Variants in DTNB observed in about 807,000 individuals in gnomAD.
DTNB encodes the protein dystrobrevin beta.
In DTNB, 63 loss-of-function variants were observed where a neutral mutation model predicts 90.7. That is an observed-to-expected ratio of 0.69 (90% CI 0.57 to 0.86). The LOEUF (loss-of-function observed/expected upper bound fraction) is 0.86. Among genes scored for constraint, DTNB ranks in the 40% least tolerant of loss-of-function variants. The pLI, the probability that DTNB is intolerant of heterozygous loss-of-function variation, is 0.00. For synonymous variants in DTNB, 277 were observed against 286.7 expected, an observed-to-expected ratio of 0.97 and a Z score of 0.34; for missense variants, 744 against 807.1, an observed-to-expected ratio of 0.92 and a Z score of 0.95.
At chr2:25,662,681 A>AAC (rs35136841) in intron 1 of DTNB, among the ~76,000 whole-genome samples, 14,746 of 104,242 alleles carry the variant, frequency 0.14, 1,263 homozygotes, top group East Asian at 0.5. Flanking sequence ...CACACACACA[A>AAC]ACACACACAC....
At chr2:25,398,200 C>G (rs1016001401) in intron 16 of DTNB, among the ~76,000 whole-genome samples, 1 of 152,244 alleles carries the variant, frequency 6.6e-6, no homozygotes, top group Non-Finnish European at 1.5e-5. Context: ...AGTGAAACCT[C>G]CTGCCCACCA....
In DTNB at chr2:25,482,791, CG is replaced by C. The variant is rs760188526; in HGVS notation, c.1079+4del. 4.3e-6 allele frequency: 7 copies of C among 1,613,456 alleles called. No homozygotes were observed. Among genetic ancestry groups the C allele is most frequent in the Non-Finnish European group, 5.9e-6 (7 of 1,179,726 alleles). Reference sequence around the variant, plus strand: ...ACCCAAGTCGAAGGCACAAGACATACGTACCTCTTGGTGGGAGTGGGCACTC... The same window carrying C: ...ACCCAAGTCGAAGGCACAAGACATACTACCTCTTGGTGGGAGTGGGCACTC... On this transcript the variant is annotated splice_donor_region_variant and intron_variant, in intron 10 of 20. Coordinates refer to ENST00000406818, the MANE Select transcript of DTNB (RefSeq NM_021907.5).
chr2:25,439,521 CTG>C lies in DTNB; in HGVS notation c.1258-5528_1258-5527del, dbSNP rs374292420. Reference sequence around the variant, plus strand: ...CGTCTCAAAATAATAATAGGGGAAACTGGGTGTAGATTATAGAGAACTCTCTG... The same window carrying C: ...CGTCTCAAAATAATAATAGGGGAAACGGTGTAGATTATAGAGAACTCTCTG... On this transcript the variant is annotated intron_variant, in intron 12 of 20. Transcript: ENST00000406818. Among the ~76,000 whole-genome samples, 390 of 152,108 alleles carry C rather than the reference CTG, an allele frequency of 2.6e-3. 4 individuals are homozygous for C. The highest frequency in any genetic ancestry group is 9.0e-3 in the African/African-American group (372 of 41,506).
rs59529600 is a variant in DTNB at position 25,560,005 on chromosome 2, T to C, written c.876+16833A>G. Among the ~76,000 whole-genome samples the C allele has an allele frequency of 9.7e-3, 1,483 of 152,318 alleles. 24 individuals carry two copies. The highest frequency in any genetic ancestry group is 0.034 in the African/African-American group (1,410 of 41,582). ...GGCTCACGCCTGTAATCCCAACACT[T>C]TGAGAGGCCAAGGCGGGTGGATCAC... On this transcript the variant is annotated intron_variant, in intron 8 of 20. Transcript: ENST00000406818.
chr2:25,553,478 T>C (rs2056731629), intron 8 of DTNB, among the ~76,000 whole-genome samples: 1 of 151,924 alleles, frequency 6.6e-6, no homozygotes, highest in Admixed American at 6.6e-5. Flanking sequence ...TGGCTCATGC[T>C]TGTAATCCTA....
chr2:25,613,198 T>C (rs2069127062), intron 4 of DTNB, among the ~76,000 whole-genome samples: 2 of 152,086 alleles, frequency 1.3e-5, no homozygotes, highest in African/African-American at 4.8e-5. Context: ...GTCCTCCTGC[T>C]CTAGCCTCCC....
intron 2 of DTNB, among the ~76,000 whole-genome samples, chr2:25,647,613 G>A (rs949741899): frequency 6.6e-6 from 1 of 152,078 alleles, no homozygotes; most frequent in South Asian, 2.1e-4. Context: ...GGTGGCCCAC[G>A]CTTGTAATCC....
At chr2:25,557,406 A>C (rs1011314011) in intron 8 of DTNB, among the ~76,000 whole-genome samples, 16 of 152,214 alleles carry the variant, frequency 1.1e-4, no homozygotes, top group African/African-American at 3.9e-4. Flanking sequence ...CACAGTTCCA[A>C]AGCTGTCACA....
chr2:25,614,368 A>C (rs1003983387), intron 4 of DTNB, among the ~76,000 whole-genome samples: 1 of 152,188 alleles, frequency 6.6e-6, no homozygotes, highest in Non-Finnish European at 1.5e-5. Flanking sequence ...AACACATTAG[A>C]AGTAAAGAAA....
intron 4 of DTNB, among the ~76,000 whole-genome samples, chr2:25,620,410 A>C (rs2072216566): frequency 6.6e-6 from 1 of 152,192 alleles, no homozygotes; most frequent in Non-Finnish European, 1.5e-5. Context: ...GTCTCTCTGG[A>C]CTTGTTACTA....
At chr2:25,581,165 G>A (rs2061506816) in intron 6 of DTNB, among the ~76,000 whole-genome samples, 1 of 152,110 alleles carries the variant, frequency 6.6e-6, no homozygotes, top group South Asian at 2.1e-4. Flanking sequence ...ACCCAAGACT[G>A]TCCTTCAAGT....
chr2:25,484,040 T>G (rs1025865976), intron 9 of DTNB, among the ~76,000 whole-genome samples: 2 of 152,190 alleles, frequency 1.3e-5, no homozygotes, highest in African/African-American at 2.4e-5. Flanking sequence ...TACACATACT[T>G]GGATGGTTTT....
chr2:25,417,237 T>C (rs1049800038), intron 16 of DTNB, among the ~76,000 whole-genome samples: 2 of 152,176 alleles, frequency 1.3e-5, no homozygotes, highest in Non-Finnish European at 2.9e-5. Context: ...ACTCCCAAGA[T>C]ATACCTACAG....
intron 10 of DTNB, among the ~76,000 whole-genome samples, chr2:25,457,815 A>G (rs1354518750): frequency 2.0e-5 from 3 of 152,118 alleles, no homozygotes; most frequent in Admixed American, 1.3e-4. Context: ...AAAGCGTAGC[A>G]TTCCTGTGCA....
At chr2:25,662,707 C>T (rs1388697558) in intron 1 of DTNB, among the ~76,000 whole-genome samples, 1 of 148,070 alleles carries the variant, frequency 6.8e-6, no homozygotes, top group African/African-American at 2.5e-5. Flanking sequence ...CACACACACA[C>T]AGCAAAAGTA....
intron 16 of DTNB, among the ~76,000 whole-genome samples, chr2:25,418,024 G>C (rs1448206014): frequency 6.6e-6 from 1 of 152,170 alleles, no homozygotes; most frequent in South Asian, 2.1e-4. Context: ...GTAATGGCTG[G>C]GCTTGATTTG....
intron 2 of DTNB, among the ~76,000 whole-genome samples, chr2:25,644,106 T>C (rs2078939652): frequency 6.6e-6 from 1 of 152,248 alleles, no homozygotes; most frequent in African/African-American, 2.4e-5. Context: ...TTGTTTAGCA[T>C]ATCATTAAGA....
At chr2:25,662,244 A>G (rs1412552932) in intron 1 of DTNB, among the ~76,000 whole-genome samples, 1 of 152,226 alleles carries the variant, frequency 6.6e-6, no homozygotes. Context: ...GACACATACA[A>G]GAATGCTTAT....
intron 16 of DTNB, among the ~76,000 whole-genome samples, chr2:25,409,686 TTG>T (rs1006357729): frequency 2.0e-5 from 3 of 152,208 alleles, no homozygotes; most frequent in Non-Finnish European, 4.4e-5. Flanking sequence ...CCTTGTCTTA[TTG>T]TCTCACTAAC....
Sources: gnomAD v4.1 joint callset for allele counts (sites outside exome capture counted in the v4.1 genomes callset) on GRCh38, gnomAD v4.1.1 for gene constraint, MANE v1.5 for transcripts, NCBI Gene and HGNC (gene_info 2026-07-23, HGNC 2026-07-21) for gene names.